Variants in DPY19L4 observed in about 807,000 individuals in gnomAD.
DPY19L4 encodes the protein dpy-19 like 4.
In DPY19L4, 97 loss-of-function variants were observed where a neutral mutation model predicts 102.8. The observed-to-expected ratio is 0.94, with a 90% confidence interval of 0.80 to 1.12. The LOEUF is 1.12. Ranked by LOEUF, DPY19L4 falls within the 50% of genes most tolerant of loss-of-function variation. The pLI, the probability that DPY19L4 is intolerant of heterozygous loss-of-function variation, is 0.00. For synonymous variants in DPY19L4, 252 were observed against 283.1 expected (o/e 0.89, Z 1.10); for missense variants, 815 against 850.4 (o/e 0.96, Z 0.52).
At chr8:94,783,952 A>C in intron 17 of DPY19L4, 150 bp downstream of exon 17, 1 of 864,962 alleles carries the variant, frequency 1.2e-6, no homozygotes, top group Non-Finnish European at 1.7e-6. Flanking sequence ...AACCTTTTTA[A>C]TTAATAATAC....
At chr8:94,729,890 T>G (rs1810868976) in intron 2 of DPY19L4, among the ~76,000 whole-genome samples, 1 of 151,714 alleles carries the variant, frequency 6.6e-6, no homozygotes, top group East Asian at 1.9e-4. Flanking sequence ...GAAAGAAAAT[T>G]AAATAGTCTA....
chr8:94,753,008 CAAA>C (rs753977641), intron 6 of DPY19L4, among the ~76,000 whole-genome samples: 4 of 117,100 alleles, frequency 3.4e-5, no homozygotes, highest in Admixed American at 1.8e-4. Flanking sequence ...GTATCTTCTG[CAAA>C]AAAAAAAAAA....
intron 2 of DPY19L4, among the ~76,000 whole-genome samples, chr8:94,729,957 G>A (rs1180833594): frequency 6.6e-6 from 1 of 151,874 alleles, no homozygotes; most frequent in South Asian, 2.1e-4. Context: ...TATTTTCAGG[G>A]TAGAAAATGT....
At chr8:94,765,359 T>A (rs773122708) in intron 9 of DPY19L4, 45 bp downstream of exon 9, 1 of 1,561,486 alleles carries the variant, frequency 6.4e-7, no homozygotes, top group Non-Finnish European at 8.6e-7. Context: ...GATTTTTTTT[T>A]TTTGAAGTGG....
chr8:94,758,084 C>G (rs1181075752), intron 7 of DPY19L4, among the ~76,000 whole-genome samples: 1 of 152,036 alleles, frequency 6.6e-6, no homozygotes, highest in Non-Finnish European at 1.5e-5. Context: ...GCACTCCAGC[C>G]TGAGCAACAG....
At chr8:94,746,376 A>G (rs1811675107) in intron 6 of DPY19L4, among the ~76,000 whole-genome samples, 1 of 152,192 alleles carries the variant, frequency 6.6e-6, no homozygotes, top group African/African-American at 2.4e-5. Flanking sequence ...GTAATGATTT[A>G]AAAAACAATA....
chr8:94,727,021 C>T (rs915709477), intron 2 of DPY19L4, among the ~76,000 whole-genome samples: 1 of 152,192 alleles, frequency 6.6e-6, no homozygotes, highest in African/African-American at 2.4e-5. Flanking sequence ...AAAACTCTCT[C>T]TTATCTAGTC....
chr8:94,755,939 T>C, intron 6 of DPY19L4, 97 bp from the exon 7 acceptor site: 1 of 1,293,698 alleles, frequency 7.7e-7, no homozygotes, highest in Non-Finnish European at 1.1e-6. Context: ...AGGATTGTTA[T>C]GGAGAACAAT....
rs1337460742 is a variant in DPY19L4, at chr8:94,783,791, A to G, written c.1837A>G (p.Arg613Gly). 5.0e-6 allele frequency: 8 copies of G among 1,613,768 alleles called. No individual in the cohort carries two copies. Among genetic ancestry groups the G allele is most frequent in the Non-Finnish European group, 6.8e-6 (8 of 1,179,930 alleles). The change falls in exon 17 of 19, where the codon AGA (arginine) becomes GGA (glycine). Residue 613 changes from arginine to glycine, a missense_variant. Transcript: ENST00000414645. Reference sequence around the variant, plus strand: ...TTACAATGATGATGATCTTCTCAAGAGAAATGAAAATGTAAGACATTTTAA... The same window carrying G: ...TTACAATGATGATGATCTTCTCAAGGGAAATGAAAATGTAAGACATTTTAA... ...PLYNDDDLLK[R>G]NENIYQIYSK...
chr8:94,753,922 C>T (rs186534704), intron 6 of DPY19L4, among the ~76,000 whole-genome samples: 1 of 152,108 alleles, frequency 6.6e-6, no homozygotes, highest in Non-Finnish European at 1.5e-5. Flanking sequence ...TAGCTCACAC[C>T]TGTTATCCCA....
chr8:94,727,785 T>C (rs1022670426), intron 2 of DPY19L4, among the ~76,000 whole-genome samples: 1 of 152,144 alleles, frequency 6.6e-6, no homozygotes, highest in Non-Finnish European at 1.5e-5. Context: ...ATCCTCTGCC[T>C]ACCATGTCCC....
intron 7 of DPY19L4, among the ~76,000 whole-genome samples, chr8:94,756,374 T>A (rs1812164378): frequency 6.6e-6 from 1 of 152,234 alleles, no homozygotes; most frequent in Admixed American, 6.5e-5. Flanking sequence ...AGATGTTTTA[T>A]CATTTTAATA....
chr8:94,732,192 A>C (rs1398953154), intron 2 of DPY19L4, among the ~76,000 whole-genome samples: 2 of 152,224 alleles, frequency 1.3e-5, no homozygotes. Flanking sequence ...GTATTAAATA[A>C]TGTTATAAAA....
rs1346081175 is a variant in DPY19L4, at chr8:94,790,119, C to CA, written c.*211dup. The CA allele has an allele frequency of 4.0e-5, 17 of 428,838 alleles. No individual in the cohort carries two copies. The highest frequency in any genetic ancestry group is 4.9e-5 in the Non-Finnish European group (12 of 244,826). 26.6% of individuals were successfully genotyped at this position (428,838 alleles called of 1,614,324 possible). ...ATTAAATGTGATATCTACCACTCTGCAATATTCCAGACAGGTGTCTTCCTT... is the reference window on the plus strand; with the variant it reads ...ATTAAATGTGATATCTACCACTCTGCAAATATTCCAGACAGGTGTCTTCCTT... On this transcript the variant is annotated 3_prime_UTR_variant, in exon 19 of 19. Coordinates refer to ENST00000414645, the MANE Select transcript of DPY19L4 (RefSeq NM_181787.3).
At chr8:94,752,919 C>T (rs2130855625) in intron 6 of DPY19L4, among the ~76,000 whole-genome samples, 1 of 151,970 alleles carries the variant, frequency 6.6e-6, no homozygotes, top group South Asian at 2.1e-4. Flanking sequence ...CCCACCTCGG[C>T]CTCCCAAAGT....
chr8:94,783,143 G>A (rs1429340139), intron 16 of DPY19L4, among the ~76,000 whole-genome samples: 2 of 152,220 alleles, frequency 1.3e-5, no homozygotes, highest in African/African-American at 4.8e-5. Context: ...CACTTTGCAA[G>A]TAGCATCTGT....
At chr8:94,783,559 C>A in intron 16 of DPY19L4, 111 bp from the exon 17 acceptor site, 1 of 1,388,742 alleles carries the variant, frequency 7.2e-7, no homozygotes, top group Non-Finnish European at 9.5e-7. Context: ...GGCATTGAAA[C>A]TGAAATGTGT....
chr8:94,779,159 A>G (rs562591646), intron 14 of DPY19L4, among the ~76,000 whole-genome samples: 1 of 151,620 alleles, frequency 6.6e-6, no homozygotes, highest in Admixed American at 6.6e-5. Context: ...TCACTATGTC[A>G]GGTACTGTTT....
intron 1 of DPY19L4, 177 bp downstream of exon 1, chr8:94,720,191 C>G: frequency 1.0e-6 from 1 of 985,304 alleles, no homozygotes; most frequent in Non-Finnish European, 1.2e-6. Flanking sequence ...TTCAGGAGAG[C>G]GGAGCAAATG....
Sources: allele counts gnomAD v4.1 joint callset (sites outside exome capture counted in the v4.1 genomes callset), GRCh38; gene constraint gnomAD v4.1.1; transcripts MANE v1.5; gene names NCBI Gene and HGNC (gene_info 2026-07-23, HGNC 2026-07-21).